The following MYH1 variants were observed in gnomAD, a reference collection of about 807,000 sequenced individuals.
The protein encoded by MYH1 is myosin-1.
A neutral mutation model predicts 225.6 loss-of-function variants in MYH1; 214 were observed. That is an observed-to-expected ratio of 0.95 (90% CI 0.85 to 1.06). The LOEUF (loss-of-function observed/expected upper bound fraction) is 1.06, where lower values mean the gene tolerates loss of function less well. Ranked by LOEUF, MYH1 falls within the 50% of genes least tolerant of loss-of-function variation. The probability of loss-of-function intolerance (pLI) is 0.00; values close to 1 mark genes in which losing one functional copy is unlikely to be tolerated. For missense variants in MYH1, 2,098 were observed against 2,344.2 expected, an observed-to-expected ratio of 0.89 and a Z score of 2.17; for synonymous variants, 774 against 842.3, an observed-to-expected ratio of 0.92 and a Z score of 1.40.
rs751936469 is a variant in MYH1, at chr17:10,494,634, G to A, written c.5506C>T (p.Arg1836Cys). 32 of 1,613,792 alleles carry A rather than the reference G, an allele frequency of 2.0e-5. No homozygotes were observed. Among genetic ancestry groups the A allele is most frequent in the South Asian group, 1.9e-4 (17 of 91,074 alleles). Residue 1836 changes from arginine to cysteine, a missense_variant, in exon 38 of 40, where the codon CGC (arginine) becomes TGC (cysteine). Physicochemically the swap from Arg to Cys is radical, Grantham distance 180. Transcript: ENST00000226207. ...AGACCCTTGACAGCTTCAACATTGC[G>A]CTTCTGTTCACTTTCAACTTCACCT... ...LEGEVESEQKRNVEAVKGLRK... is the reference protein window; with the variant it reads ...LEGEVESEQKCNVEAVKGLRK...
At chr17:10,509,859 C>A (rs1267743792) in intron 14 of MYH1, among the ~76,000 whole-genome samples, 1 of 152,096 alleles carries the variant, frequency 6.6e-6, no homozygotes, top group Non-Finnish European at 1.5e-5. Flanking sequence ...CTGAATGATG[C>A]TTTCCTATGC....
At chr17:10,515,039 G>C (rs908295445) in intron 5 of MYH1, 144 bp from the exon 6 acceptor site, 1 of 726,552 alleles carries the variant, frequency 1.4e-6, no homozygotes, top group Admixed American at 2.4e-5. Context: ...GGTGTGTCCT[G>C]CTGGTTTAAT....
chr17:10,499,164 G>C (rs2073028295), intron 28 of MYH1, 72 bp from the exon 29 acceptor site: 1 of 1,356,470 alleles, frequency 7.4e-7, no homozygotes, highest in South Asian at 1.2e-5. Context: ...AACTTGAGCA[G>C]GGAAAGGGAG....
In MYH1 at chr17:10,502,872, T is replaced by C. The variant is rs150191104; in HGVS notation, c.2977A>G (p.Ile993Val). 375 of 1,614,046 alleles carry C rather than the reference T, an allele frequency of 2.3e-4. 2 individuals carry two copies. The East Asian group carries it at 7.6e-3, about 33-fold the overall frequency. ...TTCTTCTCCTTGGTCAGCTTAGCAA[T>C]GGTTTCATCCAGACCCGCCATCTCT... ...TEEMAGLDET[I>V]AKLTKEKKAL... Residue 993 changes from isoleucine to valine, a missense_variant, in exon 24 of 40, where the codon ATT becomes GTT. Transcript: ENST00000226207.
At position 10,497,111 on chromosome 17, in the gene MYH1, C is replaced by T. The variant is rs769084222; in HGVS notation, c.4614G>A (p.Glu1538=). The T allele has an allele frequency of 6.2e-7, 1 of 1,614,002 alleles. No homozygotes were observed. Among genetic ancestry groups the T allele is most frequent in the African/African-American group, 1.3e-5 (1 of 74,932 alleles). ...HELEKIKKQV[E]QEKSELQAAL... Reference sequence around the variant, plus strand: ...CAGCCTGAAGTTCAGACTTTTCTTGCTCAACTTGCTTCTTTATTTTTTCCA... The same window carrying T: ...CAGCCTGAAGTTCAGACTTTTCTTGTTCAACTTGCTTCTTTATTTTTTCCA... Residue 1538 remains glutamate (E), a synonymous_variant, in exon 33 of 40, where the codon GAG becomes GAA. Transcript: ENST00000226207.
At chr17:10,517,140 C>G (rs1302580480) in intron 2 of MYH1, among the ~76,000 whole-genome samples, 4 of 152,104 alleles carry the variant, frequency 2.6e-5, no homozygotes, top group African/African-American at 9.7e-5. Context: ...ATGCTGGACA[C>G]AGAGAAAGGC....
chr17:10,512,152 T>G lies in MYH1; in HGVS notation c.1188A>C (p.Ala396=). The G allele has an allele frequency of 6.2e-7, 1 of 1,614,196 alleles. No homozygotes were observed. The highest frequency in any genetic ancestry group is 8.5e-7 in the Non-Finnish European group (1 of 1,180,024). ...GGTAGCAGAGGGCTTTGAGCAGATC[T>G]GCAGAGTTCAGATTTTGGAGATAGG... ...KAAYLQNLNS[A]DLLKALCYPR... Residue 396 remains alanine (A), a synonymous_variant, in exon 13 of 40, where the codon GCA becomes GCC. Transcript: ENST00000226207.
At chr17:10,495,592 T>G (rs1272526482) in intron 35 of MYH1, among the ~76,000 whole-genome samples, 1 of 151,398 alleles carries the variant, frequency 6.6e-6, no homozygotes, top group Non-Finnish European at 1.5e-5. Context: ...AAACCCCGTC[T>G]CCACTAAAAA....
intron 33 of MYH1, among the ~76,000 whole-genome samples, chr17:10,496,799 T>C (rs564654863): frequency 7.2e-5 from 11 of 152,332 alleles, no homozygotes; most frequent in South Asian, 6.2e-4. Flanking sequence ...AATTATTGAA[T>C]GTTATTGTTG....
chr17:10,498,581 A>G (rs759572284), intron 30 of MYH1, 45 bp downstream of exon 30: 4 of 1,612,410 alleles, frequency 2.5e-6, no homozygotes, highest in Non-Finnish European at 2.5e-6. Context: ...ATGTTTTGGG[A>G]GCAAGGAAAC....
At chr17:10,501,732 T>G in intron 25 of MYH1, 34 bp downstream of exon 25, 1 of 1,613,988 alleles carries the variant, frequency 6.2e-7, no homozygotes, top group Non-Finnish European at 8.5e-7. Flanking sequence ...TAAGAGTAAT[T>G]TCCCCACAAA....
chr17:10,499,239 A>G (rs953930903), intron 28 of MYH1, 147 bp from the exon 29 acceptor site: 3 of 700,190 alleles, frequency 4.3e-6, no homozygotes, highest in African/African-American at 3.6e-5. Flanking sequence ...TTTAACCTTG[A>G]TAAGCAGATC....
chr17:10,492,464 C>T lies in MYH1; in HGVS notation c.5772G>A (p.Leu1924=), dbSNP rs1299196603. 6.2e-7 allele frequency: 1 copy of T among 1,614,080 alleles called. No homozygotes were observed. The highest frequency in any genetic ancestry group is 1.3e-5 in the African/African-American group (1 of 74,934). Residue 1924 remains leucine, a synonymous_variant, in exon 40 of 40, where the codon CTG becomes CTA. Transcript: ENST00000226207. The part of the protein sequence containing the change: ...ADIAESQVNK[L]RVKSREVHTK... Reference sequence around the variant, plus strand: ...TGTGAACCTCCCTGCTCTTCACCCTCAGCTTGTTGACCTGGGACTCAGCAA... The same window carrying T: ...TGTGAACCTCCCTGCTCTTCACCCTTAGCTTGTTGACCTGGGACTCAGCAA...
Position 10,501,622 on chromosome 17 carries a change from T to A in MYH1, c.3320A>T (p.Gln1107Leu). Residue 1107 changes from glutamine to leucine, a missense_variant, in exon 26 of 40, where the codon CAG (glutamine) becomes CTG (leucine). Coordinates refer to ENST00000226207, the MANE Select transcript of MYH1 (RefSeq NM_005963.4). Reference sequence around the variant, plus strand: ...TAACTCCTTGATTTTCTTCTGCAGCTGCATACCAAGGGCTTGTTCATCTTC... The same window carrying A: ...TAACTCCTTGATTTTCTTCTGCAGCAGCATACCAAGGGCTTGTTCATCTTC... ...KIEDEQALGM[Q>L]LQKKIKELQA... The A allele has an allele frequency of 6.2e-7, 1 of 1,614,252 alleles. No homozygotes were observed. The highest frequency in any genetic ancestry group is 8.5e-7 in the Non-Finnish European group (1 of 1,180,040).
In MYH1 at chr17:10,512,408, C is replaced by G; in HGVS notation, c.1147G>C (p.Val383Leu). 6.2e-7 allele frequency: 1 copy of G among 1,614,084 alleles called. No individual in the cohort carries two copies. The change falls in exon 12 of 40, where the codon GTT (valine) becomes CTT (leucine). Residue 383 changes from valine to leucine, a missense_variant and splice_region_variant. Val to Leu is a conservative substitution (Grantham distance 32). Coordinates refer to ENST00000226207, the MANE Select transcript of MYH1 (RefSeq NM_005963.4). ...EEQAEPDGTE[V>L]ADKAAYLQNL... is the part of the protein sequence containing the mutation. The stretch of plus-strand genomic sequence containing the variant: ...ACCCAGATGGAGATTCATTTGGTAC[C>G]TTCAGTGCCATCTGGCTCAGCTTGC...
At chr17:10,498,152 A>G (rs1480132237) in intron 30 of MYH1, among the ~76,000 whole-genome samples, 1 of 152,218 alleles carries the variant, frequency 6.6e-6, no homozygotes, top group Non-Finnish European at 1.5e-5. Context: ...CATCCATGAC[A>G]AGCATGAGCT....
intron 17 of MYH1, among the ~76,000 whole-genome samples, chr17:10,507,448 C>T (rs1597440269): frequency 6.6e-6 from 1 of 152,266 alleles, no homozygotes; most frequent in East Asian, 1.9e-4. Flanking sequence ...CACCACTGTT[C>T]TATCTTATAG....
intron 24 of MYH1, 48 bp downstream of exon 24, chr17:10,502,690 G>C: frequency 6.2e-7 from 1 of 1,613,440 alleles, no homozygotes. Context: ...TGCTTACTTA[G>C]TTTGTTACAA....
Position 10,501,361 on chromosome 17 carries a change from C to G in MYH1, c.3487G>C (p.Ala1163Pro), listed in dbSNP as rs1367573210. 10 of 1,613,980 alleles carry G rather than the reference C, an allele frequency of 6.2e-6. No homozygotes were observed. Among genetic ancestry groups the G allele is most frequent in the Admixed American group, 1.7e-5 (1 of 60,006 alleles). ...CGCTTCTTGTTCATCTCAATCTGGGCTGAGGTGGCCCCACCGGCTTCTTCC... is the reference window on the plus strand; with the variant it reads ...CGCTTCTTGTTCATCTCAATCTGGGGTGAGGTGGCCCCACCGGCTTCTTCC... ...RLEEAGGATS[A>P]QIEMNKKREA... Residue 1163 changes from alanine to proline, a missense_variant, in exon 27 of 40, where the codon GCC becomes CCC. Physicochemically the swap from Ala to Pro is conservative, Grantham distance 27. Transcript: ENST00000226207.
Sources: gnomAD v4.1 joint callset for allele counts (sites outside exome capture counted in the v4.1 genomes callset) on GRCh38, gnomAD v4.1.1 for gene constraint, MANE v1.5 for transcripts, NCBI Gene and HGNC (gene_info 2026-07-23, HGNC 2026-07-21) for gene names.